CREB5: variants seen among roughly 807,000 people sequenced by gnomAD.
The protein encoded by CREB5 is cyclic AMP-responsive element-binding protein 5.
CREB5 carries 19 observed loss-of-function variants against 57.1 expected under a neutral mutation model. The ratio of observed to expected loss-of-function variants is 0.33; its 90% CI spans 0.23 to 0.49. The LOEUF (loss-of-function observed/expected upper bound fraction) is 0.49. CREB5 is among the 20% of genes least tolerant of loss of function. CREB5 has a pLI of 0.99. For synonymous variants in CREB5, 238 were observed against 238.3 expected (o/e 1.00, Z 0.01); for missense variants, 579 against 671.6 (o/e 0.86, Z 1.52).
intron 9 of CREB5, among the ~76,000 whole-genome samples, chr7:28,816,083 A>ACACACACT: frequency 6.6e-6 from 1 of 151,832 alleles, no homozygotes; most frequent in African/African-American, 2.4e-5. Context: ...ACACACACAC[A>ACACACACT]CATAAACACA....
chr7:28,735,962 G>A (rs1333428858), intron 7 of CREB5, among the ~76,000 whole-genome samples: 4 of 151,818 alleles, frequency 2.6e-5, no homozygotes, highest in South Asian at 2.1e-4. Context: ...ACGCCACCAC[G>A]CCCAGCTATT....
rs1788299656 is a variant in CREB5 at position 28,422,226 on chromosome 7, C to A, written c.3+9309C>A. On this transcript the variant is annotated intron_variant, in intron 1 of 10. Transcript: ENST00000357727. ...TTATTCTCTGTGCTTCGGGGAAAAA[C>A]AGAGAAAATTGCAGGAAGGAGATGG... Among the ~76,000 whole-genome samples, 8 of 152,002 alleles carry A rather than the reference C, an allele frequency of 5.3e-5. No homozygotes were observed. In the South Asian group the frequency reaches 1.7e-3, roughly 32 times the overall value.
chr7:28,659,186 T>G (rs1302303558), intron 5 of CREB5, among the ~76,000 whole-genome samples: 1 of 151,926 alleles, frequency 6.6e-6, no homozygotes, highest in East Asian at 1.9e-4. Context: ...TTATTAGGGA[T>G]GCCTGAGTAA....
At chr7:28,505,777 C>A (rs1234376017) in intron 3 of CREB5, among the ~76,000 whole-genome samples, 1 of 152,096 alleles carries the variant, frequency 6.6e-6, no homozygotes, top group East Asian at 1.9e-4. Context: ...TAGAATCATG[C>A]GAGATCTAGA....
At chr7:28,334,319 C>G (rs187412820) in intron 1 of CREB5, among the ~76,000 whole-genome samples, 1 of 152,020 alleles carries the variant, frequency 6.6e-6, no homozygotes, top group Non-Finnish European at 1.5e-5. Flanking sequence ...CCATGCCTGG[C>G]TAATTTTTTG....
intron 5 of CREB5, among the ~76,000 whole-genome samples, chr7:28,644,852 A>G (rs1798829793): frequency 6.6e-6 from 1 of 152,146 alleles, no homozygotes; most frequent in African/African-American, 2.4e-5. Flanking sequence ...AATTTCTACC[A>G]GTCTTTCTAG....
chr7:28,411,648 A>C (rs1398268933), upstream of CREB5, among the ~76,000 whole-genome samples: 11 of 152,118 alleles, frequency 7.2e-5, no homozygotes, highest in Admixed American at 7.2e-4. Context: ...GAGAGAGGGG[A>C]TTGGAGTGGT....
chr7:28,560,805 T>TGCGTGTGTGTGCGTGC (rs1299212365), intron 4 of CREB5, among the ~76,000 whole-genome samples: 2 of 54,770 alleles, frequency 3.7e-5, no homozygotes, highest in East Asian at 7.3e-4. Context: ...ACAGTGTGTG[T>TGCGTGTGTGTGCGTGC]GCGCGTGTGT....
At chr7:28,787,375 G>A (rs537266545) in intron 7 of CREB5, among the ~76,000 whole-genome samples, 1 of 152,320 alleles carries the variant, frequency 6.6e-6, no homozygotes, top group African/African-American at 2.4e-5. Context: ...GGGCAGCAGA[G>A]AAAGCCTGGA....
At chr7:28,536,729 G>C (rs1793980274) in intron 4 of CREB5, among the ~76,000 whole-genome samples, 1 of 152,264 alleles carries the variant, frequency 6.6e-6, no homozygotes, top group South Asian at 2.1e-4. Flanking sequence ...TGACTTGTGA[G>C]TGTTACATGT....
chr7:28,771,819 C>T (rs1335192174), intron 7 of CREB5, among the ~76,000 whole-genome samples: 1 of 152,098 alleles, frequency 6.6e-6, no homozygotes, highest in Non-Finnish European at 1.5e-5. Context: ...GCCAATCTCT[C>T]AGGAGAAGAC....
intron 4 of CREB5, among the ~76,000 whole-genome samples, chr7:28,560,811 TGTGTGTGTGTGC>T (rs1400629904): frequency 4.1e-4 from 14 of 34,476 alleles, no homozygotes; most frequent in Non-Finnish European, 6.9e-4. Flanking sequence ...TGTGTGCGCG[TGTGTGTGTGTGC>T]GCGCGCGCGC....
intron 7 of CREB5, among the ~76,000 whole-genome samples, chr7:28,747,561 C>T (rs1051705011): frequency 5.3e-5 from 8 of 152,180 alleles, no homozygotes; most frequent in Non-Finnish European, 7.4e-5. Flanking sequence ...AAGGGACTCA[C>T]CTTTCTGCTC....
chr7:28,644,518 C>A (rs148420590), intron 5 of CREB5, among the ~76,000 whole-genome samples: 6 of 152,258 alleles, frequency 3.9e-5, no homozygotes, highest in African/African-American at 1.4e-4. Context: ...CAACGTTCCA[C>A]TCCACTGCAA....
intron 7 of CREB5, among the ~76,000 whole-genome samples, chr7:28,800,464 C>T (rs1462228516): frequency 6.6e-6 from 1 of 152,190 alleles, no homozygotes; most frequent in Non-Finnish European, 1.5e-5. Context: ...AGGGCTTGGA[C>T]CTTCATCCCC....
chr7:28,351,462 C>G (rs930615715), intron 1 of CREB5, among the ~76,000 whole-genome samples: 2 of 152,206 alleles, frequency 1.3e-5, no homozygotes, highest in Admixed American at 6.5e-5. Flanking sequence ...GCACCAAGAT[C>G]AGACTGTCTC....
intron 7 of CREB5, among the ~76,000 whole-genome samples, chr7:28,771,268 G>A (rs1190435355): frequency 6.6e-6 from 1 of 152,092 alleles, no homozygotes; most frequent in East Asian, 1.9e-4. Context: ...CCATCTTTAG[G>A]GGAGAGATAC....
chr7:28,624,792 G>A (rs557718223), intron 5 of CREB5, among the ~76,000 whole-genome samples: 1 of 152,128 alleles, frequency 6.6e-6, no homozygotes, highest in South Asian at 2.1e-4. Flanking sequence ...GGAAAGGCTG[G>A]CCCAGATGGT....
intron 4 of CREB5, among the ~76,000 whole-genome samples, chr7:28,535,329 GGGAA>G (rs1364458895): frequency 7.3e-6 from 1 of 137,378 alleles, no homozygotes; most frequent in East Asian, 2.0e-4. Flanking sequence ...GAGGGAGGGA[GGGAA>G]GGAAAGAAGG....
Sources: allele counts gnomAD v4.1 joint callset (sites outside exome capture counted in the v4.1 genomes callset), GRCh38; gene constraint gnomAD v4.1.1; transcripts MANE v1.5; gene names NCBI Gene and HGNC (gene_info 2026-07-23, HGNC 2026-07-21).